COL15A1: variants seen among roughly 807,000 people sequenced by gnomAD.
The protein encoded by COL15A1 is collagen type XV alpha 1 chain, also known as collagen alpha-1(XV) chain.
Under a neutral mutation model 165.9 loss-of-function variants are expected in COL15A1, and 111 were observed. The ratio of observed to expected loss-of-function variants is 0.67; its 90% CI spans 0.57 to 0.78. The LOEUF (loss-of-function observed/expected upper bound fraction) is 0.78, where lower values mean the gene tolerates loss of function less well. Among genes scored for constraint, COL15A1 ranks in the 30% least tolerant of loss-of-function variants. The pLI is 0.00. For missense variants in COL15A1, 1,745 were observed against 1,789.7 expected (o/e 0.98, Z 0.45); for synonymous variants, 659 against 674.8 (o/e 0.98, Z 0.36).
intron 16 of COL15A1, among the ~76,000 whole-genome samples, chr9:99,027,293 G>GA (rs1839142388): frequency 6.6e-6 from 1 of 152,182 alleles, no homozygotes; most frequent in Admixed American, 6.5e-5. Context: ...CAAAGACGTG[G>GA]AAAATGCTGA....
intron 13 of COL15A1, 123 bp downstream of exon 13, chr9:99,022,273 C>G (rs1054416108): frequency 2.6e-6 from 3 of 1,169,060 alleles, no homozygotes; most frequent in Non-Finnish European, 3.8e-6. Flanking sequence ...GACCCTAGGG[C>G]TTTCTGCCTC....
At chr9:98,972,551 T>C (rs1048950592) in intron 2 of COL15A1, among the ~76,000 whole-genome samples, 3 of 152,214 alleles carry the variant, frequency 2.0e-5, no homozygotes, top group African/African-American at 7.2e-5. Context: ...TCAGAAAGAA[T>C]CAAGTGTAAG....
At chr9:99,064,280 C>T (rs1018713123) in intron 39 of COL15A1, among the ~76,000 whole-genome samples, 3 of 152,124 alleles carry the variant, frequency 2.0e-5, no homozygotes, top group African/African-American at 4.8e-5. Context: ...GGGTCAATTG[C>T]CCACTCCCAG....
At chr9:99,056,533 T>C in intron 35 of COL15A1, 129 bp downstream of exon 35, 6 of 1,349,916 alleles carry the variant, frequency 4.4e-6, no homozygotes, top group Non-Finnish European at 5.8e-6. Flanking sequence ...CTTCTTTCTT[T>C]TTTTTTTAAT....
At chr9:99,010,770 TA>T (rs975731465) in intron 9 of COL15A1, among the ~76,000 whole-genome samples, 2 of 152,022 alleles carry the variant, frequency 1.3e-5, no homozygotes, top group African/African-American at 2.4e-5. Flanking sequence ...TAACCTTAAT[TA>T]AAAAAAATAT....
chr9:99,036,485 G>T (rs556009817), intron 21 of COL15A1, 89 bp downstream of exon 21: 2 of 1,405,022 alleles, frequency 1.4e-6, no homozygotes, highest in East Asian at 2.3e-5. Flanking sequence ...AAAGCTTCTG[G>T]CTATGCAGGA....
chr9:98,993,992 A>T (rs2118916198), intron 5 of COL15A1, among the ~76,000 whole-genome samples: 1 of 151,672 alleles, frequency 6.6e-6, no homozygotes, highest in Non-Finnish European at 1.5e-5. Context: ...CCCATTTAGG[A>T]TTGGGGTCCT....
chr9:99,004,131 A>T (rs1838716647), intron 8 of COL15A1, among the ~76,000 whole-genome samples: 1 of 152,172 alleles, frequency 6.6e-6, no homozygotes, highest in South Asian at 2.1e-4. Context: ...GGCTCTAAGG[A>T]CACAGAGAAG....
chr9:99,066,864 T>C lies in COL15A1; in HGVS notation c.3652-18T>C, dbSNP rs1238010452. 3 of 1,606,218 alleles carry C rather than the reference T, an allele frequency of 1.9e-6. No homozygotes were observed. Among genetic ancestry groups the C allele is most frequent in the East Asian group, 2.2e-5 (1 of 44,796 alleles). ...TGCCTTTGATTCTGACTGCTCTCTT[T>C]TGTCTCACATTTTTCAGCTGCATTT... On this transcript the variant is annotated intron_variant, in intron 39 of 41. Coordinates refer to ENST00000375001, the MANE Select transcript of COL15A1 (RefSeq NM_001855.5).
chr9:98,965,065 T>C (rs915326847), intron 2 of COL15A1, among the ~76,000 whole-genome samples: 1 of 152,146 alleles, frequency 6.6e-6, no homozygotes, highest in Non-Finnish European at 1.5e-5. Flanking sequence ...AGAAAGTATG[T>C]CTCCTGCTGT....
chr9:99,068,536 TG>T lies in COL15A1; in HGVS notation c.3838-17del. ...GGCTGATGGTATAATGATTCTAATG[TG>T]GTATTTTGTCTCTATAGGGCCAAGT... On this transcript the variant is annotated intron_variant, in intron 40 of 41. Coordinates refer to ENST00000375001, the MANE Select transcript of COL15A1 (RefSeq NM_001855.5). 1.9e-6 allele frequency: 2 copies of T among 1,053,322 alleles called. No individual in the cohort carries two copies. The highest frequency in any genetic ancestry group is 2.7e-6 in the Non-Finnish European group (2 of 739,476). The allele number at this position is 1,053,322 out of a possible 1,614,324, so 65.2% of individuals were successfully genotyped here.
chr9:99,033,134 T>G (rs1265367500), intron 16 of COL15A1, among the ~76,000 whole-genome samples: 1 of 152,246 alleles, frequency 6.6e-6, no homozygotes, highest in African/African-American at 2.4e-5. Flanking sequence ...GTCTGTTTTC[T>G]GCCTCTGTTG....
chr9:98,976,680 C>T (rs578242181), intron 2 of COL15A1, among the ~76,000 whole-genome samples: 1 of 152,298 alleles, frequency 6.6e-6, no homozygotes, highest in African/African-American at 2.4e-5. Flanking sequence ...GGATTTAGTT[C>T]AGCCAGCAAA....
rs151260755 is a variant in COL15A1 at position 99,054,715 on chromosome 9, G to A, written c.3031+59G>A. 1,014 of 1,547,218 alleles carry A rather than the reference G, an allele frequency of 6.6e-4. 12 individuals are homozygous for A. The Admixed American group carries it at 0.017, about 27-fold the overall frequency. ...ATTTTTTGCTCCTGAGAACAAATGCGACTGAGAAATGTGACCTAGCCAGAG... is the reference window on the plus strand; with the variant it reads ...ATTTTTTGCTCCTGAGAACAAATGCAACTGAGAAATGTGACCTAGCCAGAG... On this transcript the variant is annotated intron_variant, in intron 32 of 41. Transcript: ENST00000375001.
intron 32 of COL15A1, 113 bp from the exon 33 acceptor site, chr9:99,054,989 C>T: frequency 2.2e-6 from 2 of 929,214 alleles, no homozygotes; most frequent in Non-Finnish European, 3.5e-6. Flanking sequence ...TGTTAGCCAA[C>T]CCAGTGCAGG....
chr9:98,982,673 G>A (rs759639639), intron 2 of COL15A1, among the ~76,000 whole-genome samples: 18 of 150,094 alleles, frequency 1.2e-4, no homozygotes, highest in Non-Finnish European at 2.5e-4. Flanking sequence ...ACAGGGTCTC[G>A]CTCTGTCACC....
At chr9:99,045,031 C>T (rs1839472067) in intron 26 of COL15A1, among the ~76,000 whole-genome samples, 1 of 152,200 alleles carries the variant, frequency 6.6e-6, no homozygotes, top group African/African-American at 2.4e-5. Flanking sequence ...AGAAGTGACT[C>T]AGGGATCCAG....
chr9:98,967,732 C>T (rs1168246272), intron 2 of COL15A1, among the ~76,000 whole-genome samples: 1 of 152,174 alleles, frequency 6.6e-6, no homozygotes, highest in African/African-American at 2.4e-5. Context: ...GTCTCTGGCC[C>T]CTGCACCAGA....
intron 2 of COL15A1, among the ~76,000 whole-genome samples, chr9:98,966,794 A>G (rs949608413): frequency 1.3e-5 from 2 of 152,118 alleles, no homozygotes; most frequent in African/African-American, 4.8e-5. Context: ...TATTAATATT[A>G]TATTATATCT....
Sources: allele counts gnomAD v4.1 joint callset (sites outside exome capture counted in the v4.1 genomes callset), GRCh38; gene constraint gnomAD v4.1.1; transcripts MANE v1.5; gene names NCBI Gene and HGNC (gene_info 2026-07-23, HGNC 2026-07-21).